The following AGAP1 variants were observed in gnomAD, a reference collection of about 807,000 sequenced individuals.
The protein encoded by AGAP1 is ArfGAP with GTPase domain, ankyrin repeat and PH domain 1.
AGAP1 carries 29 observed loss-of-function variants against 105.3 expected under a neutral mutation model. The observed-to-expected ratio is 0.28, with a 90% CI of 0.21 to 0.38. The LOEUF is 0.38. AGAP1 is among the 10% of genes least tolerant of loss of function. AGAP1 has a pLI of 1.00. For synonymous variants in AGAP1, 509 were observed against 485.9 expected, an observed-to-expected ratio of 1.05 and a Z score of -0.63; for missense variants, 998 against 1,165.1, an observed-to-expected ratio of 0.86 and a Z score of 2.09.
At chr2:235,828,952 A>C (rs1170588120) in intron 9 of AGAP1, among the ~76,000 whole-genome samples, 1 of 152,148 alleles carries the variant, frequency 6.6e-6, no homozygotes, top group Non-Finnish European at 1.5e-5. Context: ...TCTGAGCCTC[A>C]GTTTTGGGGG....
intron 14 of AGAP1, among the ~76,000 whole-genome samples, chr2:236,039,403 C>T (rs961275287): frequency 6.6e-5 from 10 of 152,124 alleles, no homozygotes; most frequent in Non-Finnish European, 1.5e-4. Flanking sequence ...TATGATTGCA[C>T]TACTCCAGCC....
In AGAP1 at chr2:235,998,697, C is replaced by T. The variant is rs540214538; in HGVS notation, c.1645+30074C>T. ...GTGGTGACGATGGTGGTGGTGGTAGCAGTGATGATGATAGTGGTGATGATG... is the reference window on the plus strand; with the variant it reads ...GTGGTGACGATGGTGGTGGTGGTAGTAGTGATGATGATAGTGGTGATGATG... On this transcript the variant is annotated intron_variant, in intron 13 of 17. Transcript: ENST00000304032. Among the ~76,000 whole-genome samples the T allele has an allele frequency of 3.6e-3, 473 of 131,116 alleles. 1 individual carries two copies. Among genetic ancestry groups the T allele is most frequent in the African/African-American group, 0.012 (442 of 35,732 alleles). 86.0% of individuals were successfully genotyped at this position (131,116 alleles called of 152,430 possible).
At chr2:235,499,397 A>C (rs1489102778) in intron 1 of AGAP1, among the ~76,000 whole-genome samples, 1 of 152,224 alleles carries the variant, frequency 6.6e-6, no homozygotes, top group Non-Finnish European at 1.5e-5. Context: ...TGTTTAGGGA[A>C]ACAAACATTT....
In AGAP1 at chr2:235,612,226, GA is replaced by G. The variant is rs567768220; in HGVS notation, c.164-96951del. Among the ~76,000 whole-genome samples the G allele has an allele frequency of 8.1e-4, 123 of 152,296 alleles. No homozygotes were observed. The highest frequency in any genetic ancestry group is 2.9e-3 in the African/African-American group (120 of 41,556). On this transcript the variant is annotated intron_variant, in intron 1 of 17. Coordinates refer to ENST00000304032, the MANE Select transcript of AGAP1 (RefSeq NM_001037131.3). This position sits in a 1 kb window ranked among gnomAD's most constrained non-coding sequence, Gnocchi z 4.3. Reference sequence around the variant, plus strand: ...TACGCTGGGCGGGTTCGCAGTGCTGGAAGAGAGAGTGGACAGATTTTACACC... The same window carrying G: ...TACGCTGGGCGGGTTCGCAGTGCTGGAGAGAGAGTGGACAGATTTTACACC...
chr2:235,582,404 G>A lies in AGAP1; in HGVS notation c.163+87555G>A, dbSNP rs1944963468. Among the ~76,000 whole-genome samples, 1 of 152,156 alleles carries A rather than the reference G, an allele frequency of 6.6e-6. No individual in the cohort carries two copies. Among genetic ancestry groups the A allele is most frequent in the Non-Finnish European group, 1.5e-5 (1 of 68,030 alleles). On this transcript the variant is annotated intron_variant, in intron 1 of 17. Transcript: ENST00000304032. This position sits in a 1 kb window ranked among gnomAD's most constrained non-coding sequence, Gnocchi z 4.7. Reference sequence around the variant, plus strand: ...TGGACAGGAGCCACACAGTGTAGAAGCGACTTGCCCTAAATGCCTCATTGA... The same window carrying A: ...TGGACAGGAGCCACACAGTGTAGAAACGACTTGCCCTAAATGCCTCATTGA...
rs571941643 is a variant in AGAP1 at position 236,013,553 on chromosome 2, G to A, written c.1646-23008G>A. Among the ~76,000 whole-genome samples, 45 of 150,988 alleles carry A rather than the reference G, an allele frequency of 3.0e-4. No individual in the cohort carries two copies. The East Asian group carries it at 6.3e-3, about 21-fold the overall frequency. ...GGGCCAGCCTGGCTGCCTGCTTTGC[G>A]GGCTTAAGACCTGCCTCTGGAAGGG... On this transcript the variant is annotated intron_variant, in intron 13 of 17. Coordinates refer to ENST00000304032, the MANE Select transcript of AGAP1 (RefSeq NM_001037131.3).
rs374806483 is a variant in AGAP1 at position 236,128,257 on chromosome 2, G to T, written c.*4135G>T. 1 of 152,442 alleles carries T rather than the reference G, an allele frequency of 6.6e-6. No homozygotes were observed. Among genetic ancestry groups the T allele is most frequent in the Non-Finnish European group, 1.5e-5 (1 of 68,200 alleles). 9.4% of individuals were successfully genotyped at this position (152,442 alleles called of 1,614,324 possible). A position where few individuals can be genotyped will look rare whatever the true frequency, so the allele number is the denominator to read the frequency against. The stretch of plus-strand genomic sequence containing the variant: ...CTGAGGTTGATTTTCTAGAGGCGAG[G>T]AAGGGGCTGAGTTCTGCCCTCGTGC... On this transcript the variant is annotated 3_prime_UTR_variant, in exon 18 of 18. Transcript: ENST00000304032. The surrounding 1 kb of genome is among the most constrained non-coding windows in gnomAD (Gnocchi z 5.9).
chr2:236,106,611 C>G (rs901499695), intron 16 of AGAP1, among the ~76,000 whole-genome samples: 5 of 152,248 alleles, frequency 3.3e-5, no homozygotes, highest in Non-Finnish European at 5.9e-5. Flanking sequence ...TAAGCCAATT[C>G]TTTCATTCTG....
rs1176572454 is a variant in AGAP1 at position 236,126,786 on chromosome 2, G to C, written c.*2664G>C. ...CTTTCGAAAAAAAGAAGACGGGGCAGCTTTGCCCAGAGCTCGTTGGCAGTC... is the reference window on the plus strand; with the variant it reads ...CTTTCGAAAAAAAGAAGACGGGGCACCTTTGCCCAGAGCTCGTTGGCAGTC... On this transcript the variant is annotated 3_prime_UTR_variant, in exon 18 of 18. Coordinates refer to ENST00000304032, the MANE Select transcript of AGAP1 (RefSeq NM_001037131.3). 2 of 152,208 alleles carry C rather than the reference G, an allele frequency of 1.3e-5. No homozygotes were observed. The highest frequency in any genetic ancestry group is 3.9e-4 in the East Asian group (2 of 5,192). 9.4% of individuals were successfully genotyped at this position (152,208 alleles called of 1,614,324 possible). A position where few individuals can be genotyped will look rare whatever the true frequency, so the allele number is the denominator to read the frequency against.
rs1252379809 is a variant in AGAP1, at chr2:235,960,079, A to G, written c.1484-8383A>G. Among the ~76,000 whole-genome samples the G allele has an allele frequency of 6.6e-6, 1 of 152,188 alleles. No homozygotes were observed. The highest frequency in any genetic ancestry group is 1.5e-5 in the Non-Finnish European group (1 of 68,036). On this transcript the variant is annotated intron_variant, in intron 12 of 17. Transcript: ENST00000304032. The surrounding 1 kb of genome is among the most constrained non-coding windows in gnomAD (Gnocchi z 4.9). ...GCCCTGCCTGCAGCATGGCCTGGAA[A>G]GTCACTGCCTCAACTCCATGCCTCC...
chr2:235,516,796 T>C (rs1574741097), intron 1 of AGAP1, among the ~76,000 whole-genome samples: 1 of 152,220 alleles, frequency 6.6e-6, no homozygotes, highest in East Asian at 1.9e-4. Flanking sequence ...GTGGCGTCGC[T>C]GCCCAGTTTA....
At position 235,931,669 on chromosome 2, in the gene AGAP1, G is replaced by A. The variant is rs2125157318; in HGVS notation, c.1483+746G>A. On this transcript the variant is annotated intron_variant, in intron 12 of 17. Transcript: ENST00000304032. This position sits in a 1 kb window ranked among gnomAD's most constrained non-coding sequence, Gnocchi z 5.6. ...CAGACGGGGTTTTAGAGTAATCTTAGCATAATTTGTTCTAATTAAAAGATT... is the reference window on the plus strand; with the variant it reads ...CAGACGGGGTTTTAGAGTAATCTTAACATAATTTGTTCTAATTAAAAGATT... Among the ~76,000 whole-genome samples, 1 of 152,092 alleles carries A rather than the reference G, an allele frequency of 6.6e-6. No homozygotes were observed. Among genetic ancestry groups the A allele is most frequent in the African/African-American group, 2.4e-5 (1 of 41,494 alleles).
intron 3 of AGAP1, among the ~76,000 whole-genome samples, chr2:235,727,093 A>G (rs747165486): frequency 6.6e-6 from 1 of 152,208 alleles, no homozygotes; most frequent in African/African-American, 2.4e-5. Context: ...AGTCAGTTCC[A>G]TGTGGCCTCA....
chr2:235,697,253 C>T (rs558711249), intron 1 of AGAP1, among the ~76,000 whole-genome samples: 5 of 152,292 alleles, frequency 3.3e-5, no homozygotes, highest in South Asian at 4.1e-4. Flanking sequence ...CTAAGTGACT[C>T]GCAGAAAAGC....
At position 235,724,207 on chromosome 2, in the gene AGAP1, C is replaced by T. The variant is rs1951534808; in HGVS notation, c.310+6563C>T. Among the ~76,000 whole-genome samples the T allele has an allele frequency of 6.6e-6, 1 of 152,236 alleles. No individual in the cohort carries two copies. The highest frequency in any genetic ancestry group is 1.5e-5 in the Non-Finnish European group (1 of 68,038). ...CAGAAAGCTAGCTCCAAGGCTGAGG[C>T]AGCCCTGAATGTGCCTAGGCCAACA... is the stretch of plus-strand genomic sequence containing the variant. On this transcript the variant is annotated intron_variant, in intron 3 of 17. Coordinates refer to ENST00000304032, the MANE Select transcript of AGAP1 (RefSeq NM_001037131.3). The surrounding 1 kb of genome is among the most constrained non-coding windows in gnomAD (Gnocchi z 4.9).
chr2:235,593,083 G>A (rs1390100798), intron 1 of AGAP1, among the ~76,000 whole-genome samples: 1 of 152,206 alleles, frequency 6.6e-6, no homozygotes, highest in African/African-American at 2.4e-5. Flanking sequence ...GGAAGTGAGG[G>A]AGAGGGGAGA....
chr2:236,005,167 G>A lies in AGAP1; in HGVS notation c.1646-31394G>A, dbSNP rs940724471. On this transcript the variant is annotated intron_variant, in intron 13 of 17. Transcript: ENST00000304032. This position sits in a 1 kb window ranked among gnomAD's most constrained non-coding sequence, Gnocchi z 4.1. ...TTGGTTTTTGTTTGTTTGTTTTTGT[G>A]ACAGGGTCTCACTCTGTCACCCAGG... Among the ~76,000 whole-genome samples, 32 of 152,186 alleles carry A rather than the reference G, an allele frequency of 2.1e-4. No individual in the cohort carries two copies. Among genetic ancestry groups the A allele is most frequent in the African/African-American group, 7.7e-4 (32 of 41,512 alleles).
intron 1 of AGAP1, among the ~76,000 whole-genome samples, chr2:235,521,742 A>ATGTATGTGTGTGTGTGTGTG (rs750369759): frequency 8.2e-6 from 1 of 121,528 alleles, no homozygotes. Flanking sequence ...TGTTATATAT[A>ATGTATGTGTGTGTGTGTGTG]TGTGTGTGTG....
rs1247991523 is a variant in AGAP1, at chr2:236,073,020, A to G, written c.2114+23739A>G. 2.0e-5 allele frequency among the ~76,000 whole-genome samples: 3 copies of G among 151,252 alleles called. No homozygotes were observed. The highest frequency in any genetic ancestry group is 1.5e-5 in the Non-Finnish European group (1 of 67,872). ...TATATTCTTTTTTTTTTTTTCCTAG[A>G]CAGTCTCGCTGTGTCTCCAGGCTGG... On this transcript the variant is annotated intron_variant, in intron 16 of 17. Transcript: ENST00000304032. The surrounding 1 kb of genome is among the most constrained non-coding windows in gnomAD (Gnocchi z 5.4).
Sources: gnomAD v4.1 joint callset for allele counts (sites outside exome capture counted in the v4.1 genomes callset) on GRCh38, gnomAD v4.1.1 for gene constraint, Gnocchi (gnomAD v3.1) non-coding constraint, MANE v1.5 for transcripts, NCBI Gene and HGNC (gene_info 2026-07-23, HGNC 2026-07-21) for gene names.